Variants in LRP1B observed in about 807,000 individuals in gnomAD.
The protein encoded by LRP1B is low-density lipoprotein receptor-related protein 1B.
Under a neutral mutation model 556.6 loss-of-function variants are expected in LRP1B, and 217 were observed. That is an observed-to-expected ratio of 0.39 (90% CI 0.35 to 0.44). The LOEUF is 0.44. LRP1B is among the 20% of genes least tolerant of loss of function. The pLI, the probability that LRP1B is intolerant of heterozygous loss-of-function variation, is 1.00. For missense variants in LRP1B, 5,053 were observed against 5,620.8 expected (o/e 0.90, Z 3.23); for synonymous variants, 2,047 against 1,865.8 (o/e 1.10, Z -2.50).
intron 3 of LRP1B, among the ~76,000 whole-genome samples, chr2:141,452,648 C>A (rs1292809792): frequency 1.3e-5 from 2 of 152,162 alleles, no homozygotes; most frequent in Non-Finnish European, 2.9e-5. Flanking sequence ...AAAGAAGTTT[C>A]CCAGGTACCT....
intron 77 of LRP1B, among the ~76,000 whole-genome samples, chr2:140,343,282 A>G (rs1316226876): frequency 6.6e-6 from 1 of 151,584 alleles, no homozygotes; most frequent in Non-Finnish European, 1.5e-5. Flanking sequence ...GAAAAATTCA[A>G]ATTCATATAT....
chr2:141,628,897 G>C (rs1016172277), intron 2 of LRP1B, among the ~76,000 whole-genome samples: 1 of 152,022 alleles, frequency 6.6e-6, no homozygotes, highest in African/African-American at 2.4e-5. Flanking sequence ...TGATCCTCCT[G>C]CCTCAGCCTT....
intron 32 of LRP1B, among the ~76,000 whole-genome samples, chr2:140,806,937 A>G (rs538534529): frequency 1.2e-4 from 18 of 152,322 alleles, no homozygotes; most frequent in African/African-American, 4.3e-4. Context: ...CTTTCTCTTC[A>G]GTGTAAATAC....
intron 56 of LRP1B, among the ~76,000 whole-genome samples, chr2:140,492,912 A>C (rs1280913153): frequency 7.2e-5 from 11 of 152,212 alleles, no homozygotes; most frequent in Admixed American, 7.2e-4. Context: ...TTCTAAGTGC[A>C]TCCCTTGCTT....
Position 141,062,038 on chromosome 2 carries a change from A to T in LRP1B, c.1236+13T>A. The T allele has an allele frequency of 6.2e-7, 1 of 1,606,278 alleles. No homozygotes were observed. The highest frequency in any genetic ancestry group is 8.5e-7 in the Non-Finnish European group (1 of 1,173,722). On this transcript the variant is annotated intron_variant, in intron 8 of 90. Coordinates refer to ENST00000389484, the MANE Select transcript of LRP1B (RefSeq NM_018557.3). ...ATTACCCTAGGAGCGTTGTCTAACA[A>T]AATTGTACTTACTTGTCTGCCTTGA...
At chr2:141,184,373 C>CA (rs1574165362) in intron 7 of LRP1B, among the ~76,000 whole-genome samples, 2 of 151,722 alleles carry the variant, frequency 1.3e-5, no homozygotes, top group South Asian at 4.2e-4. Context: ...TGCAGGCCAT[C>CA]AAAAAAATCA....
At chr2:141,967,165 T>G (rs2105067497) in intron 1 of LRP1B, among the ~76,000 whole-genome samples, 1 of 152,036 alleles carries the variant, frequency 6.6e-6, no homozygotes, top group African/African-American at 2.4e-5. Flanking sequence ...TTTCTTTCCT[T>G]ACTACTTCTA....
chr2:140,803,213 A>C (rs897192741), intron 32 of LRP1B, among the ~76,000 whole-genome samples: 2 of 149,776 alleles, frequency 1.3e-5, no homozygotes, highest in Non-Finnish European at 3.0e-5. Flanking sequence ...ATAATACTTA[A>C]GCACTTAAGC....
intron 67 of LRP1B, among the ~76,000 whole-genome samples, chr2:140,384,600 T>G (rs1397102255): frequency 6.6e-6 from 1 of 152,226 alleles, no homozygotes; most frequent in Non-Finnish European, 1.5e-5. Context: ...GATTTCATGC[T>G]TAATATACTT....
intron 7 of LRP1B, among the ~76,000 whole-genome samples, chr2:141,072,054 A>G (rs750579896): frequency 7.2e-5 from 11 of 152,220 alleles, no homozygotes; most frequent in Non-Finnish European, 1.2e-4. Context: ...CTCTGCTTAA[A>G]GCATAAGACA....
chr2:140,762,824 C>CT (rs1385674811), intron 35 of LRP1B, among the ~76,000 whole-genome samples: 3 of 151,998 alleles, frequency 2.0e-5, no homozygotes, highest in Non-Finnish European at 4.4e-5. Flanking sequence ...TGAATCACAG[C>CT]TTTTTTTAAA....
At chr2:140,233,788 TAAAC>T (rs1374749844) in intron 90 of LRP1B, among the ~76,000 whole-genome samples, 1 of 151,326 alleles carries the variant, frequency 6.6e-6, no homozygotes, top group Non-Finnish European at 1.5e-5. Flanking sequence ...TAAAAACAAG[TAAAC>T]AAAAATGTAA....
At chr2:140,915,547 A>G (rs1694549450) in intron 21 of LRP1B, among the ~76,000 whole-genome samples, 1 of 151,794 alleles carries the variant, frequency 6.6e-6, no homozygotes, top group South Asian at 2.1e-4. Context: ...CCAGCTACTC[A>G]GGAGGCTGAG....
At chr2:142,076,413 G>T (rs1283580338) in intron 1 of LRP1B, among the ~76,000 whole-genome samples, 1 of 152,054 alleles carries the variant, frequency 6.6e-6, no homozygotes, top group East Asian at 1.9e-4. Flanking sequence ...TGAATTTCGA[G>T]TGCTCAAATC....
intron 3 of LRP1B, among the ~76,000 whole-genome samples, chr2:141,375,813 C>T (rs1689407798): frequency 6.6e-6 from 1 of 152,148 alleles, no homozygotes; most frequent in South Asian, 2.1e-4. Context: ...CAGCAGACCA[C>T]TGTGGGGCAG....
rs66596182 is a variant in LRP1B, at chr2:140,291,298, T to TTATATATATATATATATATATATA, written c.12967+6509_12967+6510insTATATATATATATATATATATATA. On this transcript the variant is annotated intron_variant, in intron 84 of 90. Coordinates refer to ENST00000389484, the MANE Select transcript of LRP1B (RefSeq NM_018557.3). ...AGATACCACTTCAAGAAATTTTATT[T>TTATATATATATATATATATATATA]TATATATATATATATATATATTTTT... Among the ~76,000 whole-genome samples, 230 of 71,790 alleles carry TTATATATATATATATATATATATA rather than the reference T, an allele frequency of 3.2e-3. 5 individuals carry two copies. Among genetic ancestry groups the TTATATATATATATATATATATATA allele is most frequent in the East Asian group, 0.014 (33 of 2,442 alleles). The allele number at this position is 71,790 out of a possible 152,430, so 47.1% of individuals were successfully genotyped here. A position where few individuals can be genotyped will look rare whatever the true frequency, so the allele number is the denominator to read the frequency against.
chr2:141,023,568 C>A (rs1428990142), intron 11 of LRP1B, among the ~76,000 whole-genome samples: 1 of 151,880 alleles, frequency 6.6e-6, no homozygotes, highest in Non-Finnish European at 1.5e-5. Context: ...AACTTCATTA[C>A]AGGTCTGATT....
chr2:140,781,018 T>C (rs2104962369), intron 32 of LRP1B, among the ~76,000 whole-genome samples: 1 of 152,212 alleles, frequency 6.6e-6, no homozygotes, highest in East Asian at 1.9e-4. Context: ...TGGATCATAG[T>C]TTTGGGTGGG....
At chr2:141,639,298 ATG>A (rs199723979) in intron 2 of LRP1B, among the ~76,000 whole-genome samples, 355 of 34,462 alleles carry the variant, frequency 0.01, 1 homozygote, top group Middle Eastern at 0.015. Context: ...AGTACGCATC[ATG>A]TGTGTATATA....
Sources: allele counts gnomAD v4.1 joint callset (sites outside exome capture counted in the v4.1 genomes callset), GRCh38; gene constraint gnomAD v4.1.1; transcripts MANE v1.5; gene names NCBI Gene and HGNC (gene_info 2026-07-23, HGNC 2026-07-21).